The following DTNB variants were observed in gnomAD, a reference collection of about 807,000 sequenced individuals.
DTNB encodes DTN-B.
In DTNB, 63 loss-of-function variants were observed where a neutral mutation model predicts 90.7. The ratio of observed to expected loss-of-function variants is 0.69; its 90% CI spans 0.57 to 0.86. DTNB has a LOEUF of 0.86. DTNB is among the 40% of genes least tolerant of loss of function. DTNB has a pLI of 0.00. For synonymous variants in DTNB, 277 were observed against 286.7 expected, an observed-to-expected ratio of 0.97 and a Z score of 0.34; for missense variants, 744 against 807.1, an observed-to-expected ratio of 0.92 and a Z score of 0.95.
chr2:25,577,421 A>G (rs2060859623), intron 7 of DTNB, among the ~76,000 whole-genome samples: 2 of 151,672 alleles, frequency 1.3e-5, no homozygotes, highest in Admixed American at 1.3e-4. Flanking sequence ...TGGGCGACAG[A>G]GCAAGATTCT....
chr2:25,639,971 C>CA (rs1388130547), intron 2 of DTNB, among the ~76,000 whole-genome samples: 2 of 152,232 alleles, frequency 1.3e-5, no homozygotes, highest in Non-Finnish European at 2.9e-5. Context: ...AGCGAGCCTT[C>CA]AAATGATTCA....
intron 8 of DTNB, among the ~76,000 whole-genome samples, chr2:25,573,661 G>A (rs1478243560): frequency 1.3e-5 from 2 of 152,218 alleles, no homozygotes; most frequent in Non-Finnish European, 2.9e-5. Context: ...CCCGGTGGGT[G>A]TGAGGCGTGC....
At chr2:25,551,611 A>G (rs1032349463) in intron 8 of DTNB, among the ~76,000 whole-genome samples, 3 of 152,182 alleles carry the variant, frequency 2.0e-5, no homozygotes, top group African/African-American at 7.2e-5. Flanking sequence ...CCTTCACTTA[A>G]AGATATCTTA....
At chr2:25,566,216 C>A (rs2059007334) in intron 8 of DTNB, among the ~76,000 whole-genome samples, 1 of 152,158 alleles carries the variant, frequency 6.6e-6, no homozygotes, top group Non-Finnish European at 1.5e-5. Flanking sequence ...AAACTGTAGG[C>A]AGCCTCTGGG....
intron 16 of DTNB, among the ~76,000 whole-genome samples, chr2:25,401,546 C>T (rs1249138339): frequency 6.6e-6 from 1 of 152,212 alleles, no homozygotes; most frequent in East Asian, 1.9e-4. Context: ...TGTTCTTGGC[C>T]ATGCTTGGGT....
chr2:25,533,940 T>TTTA (rs2078791566), intron 8 of DTNB, among the ~76,000 whole-genome samples: 1 of 151,156 alleles, frequency 6.6e-6, no homozygotes, highest in African/African-American at 2.4e-5. Flanking sequence ...TTATTTTTAT[T>TTTA]TTTATTTATT....
intron 16 of DTNB, among the ~76,000 whole-genome samples, chr2:25,397,391 C>T (rs2042666488): frequency 2.7e-5 from 4 of 150,336 alleles, no homozygotes; most frequent in Admixed American, 2.7e-4. Context: ...AGAAGCCAGT[C>T]ACAGAAGCCA....
At position 25,580,764 on chromosome 2, in the gene DTNB, A is replaced by ACTC; in HGVS notation, c.665_666insGAG (p.Leu222_Val223insSer). 1 of 1,613,666 alleles carries ACTC rather than the reference A, an allele frequency of 6.2e-7. No individual in the cohort carries two copies. Among genetic ancestry groups the ACTC allele is most frequent in the Non-Finnish European group, 8.5e-7 (1 of 1,179,662 alleles). On this transcript the variant is annotated inframe_insertion, in exon 7 of 21. Coordinates refer to ENST00000406818, the MANE Select transcript of DTNB (RefSeq NM_021907.5). ...GCCTGTGCATGAGAGGTAGCCAGAC[A>ACTC]AGGCACTGGGGAGGAGGGTCAGCCA...
At chr2:25,441,136 C>T (rs1375278100) in intron 12 of DTNB, among the ~76,000 whole-genome samples, 1 of 152,160 alleles carries the variant, frequency 6.6e-6, no homozygotes, top group African/African-American at 2.4e-5. Context: ...TGTAACAACC[C>T]GATTCTTTGA....
chr2:25,514,913 C>T (rs1292341706), intron 9 of DTNB, among the ~76,000 whole-genome samples: 2 of 152,050 alleles, frequency 1.3e-5, no homozygotes, highest in Non-Finnish European at 1.5e-5. Flanking sequence ...CAACTCCTGA[C>T]CTAAACTGAT....
chr2:25,647,172 T>C (rs2079664148), intron 2 of DTNB, among the ~76,000 whole-genome samples: 1 of 152,132 alleles, frequency 6.6e-6, no homozygotes, highest in African/African-American at 2.4e-5. Flanking sequence ...ATCAAAAGCA[T>C]TACTAGAAAA....
At chr2:25,395,904 G>A (rs1308863307) in intron 16 of DTNB, among the ~76,000 whole-genome samples, 1 of 152,124 alleles carries the variant, frequency 6.6e-6, no homozygotes, top group Non-Finnish European at 1.5e-5. Context: ...TAATAGACAA[G>A]TTAAAAAATG....
chr2:25,432,241 ACACC>A (rs1303475117), intron 14 of DTNB, among the ~76,000 whole-genome samples: 3 of 145,848 alleles, frequency 2.1e-5, no homozygotes, highest in Admixed American at 6.9e-5. Context: ...ACACACACAC[ACACC>A]CCTTTCTAAG....
chr2:25,419,903 GTAA>G (rs1489777316), intron 15 of DTNB, among the ~76,000 whole-genome samples: 6 of 152,288 alleles, frequency 3.9e-5, no homozygotes, highest in Non-Finnish European at 7.4e-5. Context: ...ACTTGAAATT[GTAA>G]TAATAATTCT....
At chr2:25,438,000 A>C (rs1343098957) in intron 12 of DTNB, among the ~76,000 whole-genome samples, 1 of 152,174 alleles carries the variant, frequency 6.6e-6, no homozygotes, top group East Asian at 1.9e-4. Context: ...TTTTTAAATG[A>C]GGTGGTGATG....
chr2:25,450,099 ACT>A (rs1222302794), intron 12 of DTNB, among the ~76,000 whole-genome samples: 1 of 151,500 alleles, frequency 6.6e-6, no homozygotes, highest in African/African-American at 2.4e-5. Flanking sequence ...ATCCCTATAA[ACT>A]CTAATGAATT....
intron 8 of DTNB, among the ~76,000 whole-genome samples, chr2:25,572,800 T>C (rs1231743618): frequency 1.3e-5 from 2 of 152,200 alleles, no homozygotes; most frequent in African/African-American, 4.8e-5. Flanking sequence ...TGATTCCATG[T>C]GCCAGTAACC....
intron 1 of DTNB, among the ~76,000 whole-genome samples, chr2:25,658,947 A>T (rs1460176181): frequency 6.6e-6 from 1 of 152,164 alleles, no homozygotes; most frequent in African/African-American, 2.4e-5. Flanking sequence ...TATTTTGTAC[A>T]GACAGGGTCT....
chr2:25,653,537 A>T lies in DTNB; in HGVS notation c.-1-876T>A, dbSNP rs2081462924. Among the ~76,000 whole-genome samples, 6 of 103,568 alleles carry T rather than the reference A, an allele frequency of 5.8e-5. 1 individual carries two copies. The highest frequency in any genetic ancestry group is 5.6e-4 in the East Asian group (2 of 3,550). 67.9% of individuals were successfully genotyped at this position (103,568 alleles called of 152,430 possible). Reference sequence around the variant, plus strand: ...TTTCTTTTTTTTTTTTTTTTTTGACAGTCTCACTCTGTAGTCCAGGCTGGA... The same window carrying T: ...TTTCTTTTTTTTTTTTTTTTTTGACTGTCTCACTCTGTAGTCCAGGCTGGA... On this transcript the variant is annotated intron_variant, in intron 1 of 20. Coordinates refer to ENST00000406818, the MANE Select transcript of DTNB (RefSeq NM_021907.5).
Sources: allele counts gnomAD v4.1 joint callset (sites outside exome capture counted in the v4.1 genomes callset), GRCh38; gene constraint gnomAD v4.1.1; transcripts MANE v1.5; gene names NCBI Gene and HGNC (gene_info 2026-07-23, HGNC 2026-07-21).